ZNF469: variants seen among roughly 807,000 people sequenced by gnomAD.
ZNF469 encodes zinc finger protein 469.
A neutral mutation model predicts 1.0 loss-of-function variants in ZNF469; 1 was observed. The ratio of observed to expected loss-of-function variants is 1.00; its 90% CI spans 0.35 to 4.73. ZNF469 has a LOEUF of 4.73. ZNF469 is among the 30% of genes most tolerant of loss of function. The pLI is 0.16. For missense variants in ZNF469, 6,100 were observed against 5,356.3 expected (o/e 1.14, Z -4.33); for synonymous variants, 2,703 against 2,363.4 (o/e 1.14, Z -4.17).
chr16:88,285,504 C>G, the ZNF469 span, among the ~76,000 whole-genome samples: 1 of 152,244 alleles, frequency 6.6e-6, no homozygotes, highest in African/African-American at 2.4e-5. Context: ...GGCAGGGCCA[C>G]AAAGAGCAGG....
chr16:88,331,166 C>T, the ZNF469 span, among the ~76,000 whole-genome samples: 9 of 151,764 alleles, frequency 5.9e-5, no homozygotes, highest in South Asian at 2.1e-4. Flanking sequence ...CCATCATCAC[C>T]ATCATTACCA....
At chr16:88,358,510 C>A in the ZNF469 span, among the ~76,000 whole-genome samples, 393 of 152,184 alleles carry the variant, frequency 2.6e-3, 1 homozygote, top group African/African-American at 9.0e-3. Flanking sequence ...AGGAATCCTC[C>A]CTAGAGGCAG....
the ZNF469 span, among the ~76,000 whole-genome samples, chr16:88,366,360 C>A: frequency 6.6e-6 from 1 of 151,776 alleles, no homozygotes; most frequent in Non-Finnish European, 1.5e-5. Context: ...TCATCACCAC[C>A]ATCACCATCA....
At chr16:88,307,985 G>A in the ZNF469 span, among the ~76,000 whole-genome samples, 1 of 152,214 alleles carries the variant, frequency 6.6e-6, no homozygotes, top group Non-Finnish European at 1.5e-5. Context: ...CATTTAGGTT[G>A]CTACTACTTT....
the ZNF469 span, among the ~76,000 whole-genome samples, chr16:88,110,338 C>T: frequency 3.9e-5 from 6 of 152,348 alleles, no homozygotes; most frequent in South Asian, 2.1e-4. Context: ...GCTGCCAGTC[C>T]GCTTGGAGAA....
the ZNF469 span, among the ~76,000 whole-genome samples, chr16:88,315,730 G>C: frequency 6.6e-6 from 1 of 152,184 alleles, no homozygotes; most frequent in African/African-American, 2.4e-5. Context: ...AAGCCCCCAG[G>C]GTTCAAAGGA....
chr16:88,321,664 T>C, the ZNF469 span, among the ~76,000 whole-genome samples: 1 of 151,552 alleles, frequency 6.6e-6, no homozygotes, highest in South Asian at 2.1e-4. Context: ...CGGATTCTGC[T>C]CATAAGGCCT....
At chr16:88,399,400 G>A (rs1904790798) in intron 1 of ZNF469, among the ~76,000 whole-genome samples, 1 of 152,224 alleles carries the variant, frequency 6.6e-6, no homozygotes, top group Admixed American at 6.5e-5. Context: ...CTTGCCCAGA[G>A]TCACAGCTAC....
chr16:88,278,135 C>T, the ZNF469 span, among the ~76,000 whole-genome samples: 2 of 26,418 alleles, frequency 7.6e-5, no homozygotes, highest in Non-Finnish European at 1.3e-4. Context: ...ACCACACTGA[C>T]GCTTGGTCAG....
intron 1 of ZNF469, among the ~76,000 whole-genome samples, chr16:88,412,114 G>A (rs1004894140): frequency 6.7e-6 from 1 of 149,176 alleles, no homozygotes; most frequent in Admixed American, 6.7e-5. Context: ...GGAGGCAGGG[G>A]CCAGCATAGA....
chr16:88,417,267 G>A (rs1905327918), intron 1 of ZNF469, among the ~76,000 whole-genome samples: 1 of 151,994 alleles, frequency 6.6e-6, no homozygotes, highest in Admixed American at 6.6e-5. Context: ...CTGAGCCACT[G>A]TTCCCATCTG....
In ZNF469 at chr16:88,429,960, G is replaced by T. The variant is rs944970083; in HGVS notation, c.2490G>T (p.Ser830=). 4 of 1,550,112 alleles carry T rather than the reference G, an allele frequency of 2.6e-6. No individual in the cohort carries two copies. In the African/African-American group the frequency reaches 5.5e-5, roughly 21 times the overall value. ...LAATPFPLPA[S]DLDMEDDAKL... ...CCACCCCCTTCCCGCTCCCTGCCTC[G>T]GACCTGGACATGGAGGATGACGCCA... The change falls in exon 3 of 3, where the codon TCG becomes TCT. Residue 830 remains serine, a synonymous_variant. Coordinates refer to ENST00000565624, the MANE Select transcript of ZNF469 (RefSeq NM_001367624.2).
At chr16:88,397,638 TG>T (rs879343985) in intron 1 of ZNF469, among the ~76,000 whole-genome samples, 2,129 of 67,532 alleles carry the variant, frequency 0.032, 33 homozygotes, top group African/African-American at 0.11. Flanking sequence ...GATGGATGGA[TG>T]GATGGATATA....
At chr16:88,411,128 C>T (rs1262027880) in intron 1 of ZNF469, among the ~76,000 whole-genome samples, 4 of 152,212 alleles carry the variant, frequency 2.6e-5, no homozygotes, top group African/African-American at 7.2e-5. Flanking sequence ...GGTAAGGTCA[C>T]ATTCGTAGGT....
At chr16:88,209,890 C>A in the ZNF469 span, among the ~76,000 whole-genome samples, 174 of 152,298 alleles carry the variant, frequency 1.1e-3, no homozygotes, top group Admixed American at 1.8e-3. Context: ...CTGTTTTTTT[C>A]TAATGCATTT....
At chr16:88,310,427 AAC>A in the ZNF469 span, among the ~76,000 whole-genome samples, 82,793 of 151,684 alleles carry the variant, frequency 0.55, 24,513 homozygotes, top group East Asian at 0.74. Context: ...TCACACATCT[AAC>A]ACAGCCCTGC....
chr16:88,336,259 A>T, the ZNF469 span, among the ~76,000 whole-genome samples: 12 of 149,952 alleles, frequency 8.0e-5, no homozygotes, highest in Admixed American at 1.3e-4. Flanking sequence ...CGCCAATACC[A>T]CACATGTTCA....
At chr16:88,123,864 A>C in the ZNF469 span, among the ~76,000 whole-genome samples, 123,531 of 152,112 alleles carry the variant, frequency 0.81, 50,814 homozygotes, top group Non-Finnish European at 0.87. Flanking sequence ...AGTGCAATGG[A>C]GCAGTGTCGG....
At chr16:88,193,628 G>C in the ZNF469 span, 1 of 152,230 alleles carries the variant, frequency 6.6e-6, no homozygotes, top group Non-Finnish European at 1.5e-5. Flanking sequence ...CTTGAGCCCA[G>C]GAGGTTGAGG....
Sources: gnomAD v4.1 joint callset for allele counts (sites outside exome capture counted in the v4.1 genomes callset) on GRCh38, gnomAD v4.1.1 for gene constraint, MANE v1.5 for transcripts, NCBI Gene and HGNC (gene_info 2026-07-23, HGNC 2026-07-21) for gene names.